NCOA1: variants seen among roughly 807,000 people sequenced by gnomAD.
NCOA1 encodes the protein Hin-2 protein.
NCOA1 carries 35 observed loss-of-function variants against 150.9 expected under a neutral mutation model. That is an observed-to-expected ratio of 0.23 (90% CI 0.18 to 0.31). The LOEUF (loss-of-function observed/expected upper bound fraction) is 0.31, where lower values mean the gene tolerates loss of function less well. NCOA1 is among the 10% of genes least tolerant of loss of function. The probability of loss-of-function intolerance (pLI) is 1.00; values close to 1 mark genes in which losing one functional copy is unlikely to be tolerated. For synonymous variants in NCOA1, 590 were observed against 630.0 expected (o/e 0.94, Z 0.95); for missense variants, 1,491 against 1,749.3 (o/e 0.85, Z 2.63).
At chr2:24,682,440 A>G (rs1330935067) in intron 7 of NCOA1, among the ~76,000 whole-genome samples, 3 of 152,178 alleles carry the variant, frequency 2.0e-5, no homozygotes, top group African/African-American at 2.4e-5. Flanking sequence ...CCTTGTGGAT[A>G]TTATATGCCC....
chr2:24,674,125 G>GTA (rs1400473960), intron 7 of NCOA1, among the ~76,000 whole-genome samples: 3 of 111,948 alleles, frequency 2.7e-5, no homozygotes, highest in African/African-American at 2.1e-4. Context: ...ATGTATGTAT[G>GTA]TGTGTGTGTG....
intron 3 of NCOA1, among the ~76,000 whole-genome samples, chr2:24,628,644 T>C (rs553345484): frequency 2.6e-5 from 4 of 152,206 alleles, no homozygotes; most frequent in Admixed American, 6.5e-5. Context: ...GAAAATGCTA[T>C]GAAAGTACAG....
At chr2:24,610,945 T>A (rs929461829) in intron 3 of NCOA1, among the ~76,000 whole-genome samples, 1 of 152,142 alleles carries the variant, frequency 6.6e-6, no homozygotes, top group Non-Finnish European at 1.5e-5. Context: ...TCTCCCCTTT[T>A]AAAAAATTTT....
chr2:24,730,057 G>A (rs1662914843), intron 17 of NCOA1, among the ~76,000 whole-genome samples: 2 of 152,130 alleles, frequency 1.3e-5, no homozygotes, highest in African/African-American at 4.8e-5. Context: ...TATTGGCCAG[G>A]ATGGTCTCGA....
At chr2:24,556,447 T>C (rs1447206129) in intron 1 of NCOA1, among the ~76,000 whole-genome samples, 1 of 152,232 alleles carries the variant, frequency 6.6e-6, no homozygotes, top group Non-Finnish European at 1.5e-5. Flanking sequence ...AATGCTACAG[T>C]GAACATACGC....
At chr2:24,726,781 C>A in intron 15 of NCOA1, 75 bp downstream of exon 15, 1 of 791,686 alleles carries the variant, frequency 1.3e-6, no homozygotes, top group African/African-American at 1.8e-5. Flanking sequence ...TTCCAAACTA[C>A]ATTTCAGTCT....
intron 2 of NCOA1, among the ~76,000 whole-genome samples, chr2:24,576,862 T>C (rs1572440798): frequency 6.6e-6 from 1 of 152,170 alleles, no homozygotes; most frequent in South Asian, 2.1e-4. Flanking sequence ...CAGTGTCGGG[T>C]ACCTACTGCA....
intron 1 of NCOA1, among the ~76,000 whole-genome samples, chr2:24,552,370 T>A (rs1160808848): frequency 5.1e-4 from 52 of 102,554 alleles, no homozygotes; most frequent in South Asian, 6.8e-4. Context: ...TTTTTTTTTT[T>A]TTTTTTTTTT....
chr2:24,507,487 G>T (rs1365920881), intron 1 of NCOA1, among the ~76,000 whole-genome samples: 2 of 149,318 alleles, frequency 1.3e-5, no homozygotes, highest in African/African-American at 4.9e-5. Flanking sequence ...ATACTTATGG[G>T]GTGCCTATGA....
In NCOA1 at chr2:24,573,533, T is replaced by C. The variant is rs1457151161; in HGVS notation, c.-260+9103T>C. Among the ~76,000 whole-genome samples the C allele has an allele frequency of 3.3e-5, 5 of 152,272 alleles. No individual in the cohort carries two copies. In the East Asian group the frequency reaches 9.6e-4, roughly 29 times the overall value. ...AGTAAAAATTGTAAGCCTGAATAAA[T>C]GTAGTGTAAAACCTGCATTGATGAT... On this transcript the variant is annotated intron_variant, in intron 2 of 22. Transcript: ENST00000348332.
At chr2:24,746,294 G>A (rs1663913825) in intron 19 of NCOA1, among the ~76,000 whole-genome samples, 1 of 152,222 alleles carries the variant, frequency 6.6e-6, no homozygotes, top group East Asian at 1.9e-4. Flanking sequence ...TGTAATGCCA[G>A]CACTTTGGGA....
rs905687873 is a variant in NCOA1, at chr2:24,660,400, T to G, written c.89+1634T>G. On this transcript the variant is annotated intron_variant, in intron 5 of 22. Transcript: ENST00000348332. ...TTTGCATAATCCTGTTTAAAAGTAA[T>G]ACAATATTAACAATTGATTTGTCTG... Among the ~76,000 whole-genome samples the G allele has an allele frequency of 5.3e-5, 8 of 152,106 alleles. No homozygotes were observed. In the South Asian group the frequency reaches 1.4e-3, roughly 28 times the overall value.
At chr2:24,528,803 C>T (rs1276955416) in intron 1 of NCOA1, among the ~76,000 whole-genome samples, 1 of 152,062 alleles carries the variant, frequency 6.6e-6, no homozygotes, top group African/African-American at 2.4e-5. Flanking sequence ...AGTGTTAGAC[C>T]CTTTGGCTGA....
chr2:24,583,947 G>A (rs1020055077), intron 2 of NCOA1, among the ~76,000 whole-genome samples: 3 of 152,114 alleles, frequency 2.0e-5, no homozygotes, highest in Admixed American at 6.6e-5. Flanking sequence ...AAAATTATAG[G>A]TTAGATAAGA....
chr2:24,638,180 CT>C (rs544369191), intron 3 of NCOA1, among the ~76,000 whole-genome samples: 1,934 of 89,444 alleles, frequency 0.022, 13 homozygotes, highest in East Asian at 0.052. Context: ...ATGAGATCAA[CT>C]TTTTTTTTTT....
At chr2:24,644,936 G>C (rs577217926) in intron 4 of NCOA1, among the ~76,000 whole-genome samples, 22 of 152,226 alleles carry the variant, frequency 1.4e-4, no homozygotes, top group African/African-American at 4.8e-4. Context: ...CCAGCTGCAC[G>C]CCCATTCACT....
At position 24,742,136 on chromosome 2, in the gene NCOA1, C is replaced by T; in HGVS notation, c.3656C>T (p.Thr1219Ile). 6.2e-7 allele frequency: 1 copy of T among 1,614,008 alleles called. No homozygotes were observed. The highest frequency in any genetic ancestry group is 1.1e-5 in the South Asian group (1 of 91,064). The change falls in exon 19 of 23, where the codon ACT becomes ATT. Residue 1219 changes from threonine to isoleucine, a missense_variant. Thr to Ile is a moderately conservative substitution (Grantham distance 89, BLOSUM62 -1). Coordinates refer to ENST00000348332, the MANE Select transcript of NCOA1 (RefSeq NM_003743.5). Reference protein sequence around the residue: ...MTGNIGGQFGTGINPQMQQNV... With the variant: ...MTGNIGGQFGIGINPQMQQNV... ...GGAAACATAGGAGGACAGTTTGGCA[C>T]TGGAATCAATCCTCAGATGCAGCAG... is the stretch of plus-strand genomic sequence containing the variant.
chr2:24,557,019 G>T (rs564049651), intron 1 of NCOA1, among the ~76,000 whole-genome samples: 3 of 150,538 alleles, frequency 2.0e-5, no homozygotes, highest in Non-Finnish European at 4.4e-5. Context: ...GGTTGGGGGG[G>T]GTGGCTATCC....
At chr2:24,513,404 T>TC (rs1664019180) in intron 1 of NCOA1, among the ~76,000 whole-genome samples, 1 of 152,206 alleles carries the variant, frequency 6.6e-6, no homozygotes, top group Admixed American at 6.5e-5. Flanking sequence ...CCCTTTTTTT[T>TC]TCTCATCCTT....
Sources: gnomAD v4.1 joint callset for allele counts (sites outside exome capture counted in the v4.1 genomes callset) on GRCh38, gnomAD v4.1.1 for gene constraint, MANE v1.5 for transcripts, NCBI Gene and HGNC (gene_info 2026-07-23, HGNC 2026-07-21) for gene names.